Variants in MTOR observed in about 807,000 individuals in gnomAD.
MTOR encodes mechanistic target of rapamycin kinase, also known as serine/threonine-protein kinase mTOR.
Under a neutral mutation model 319.8 loss-of-function variants are expected in MTOR, and 70 were observed. The observed-to-expected ratio is 0.22, with a 90% CI of 0.18 to 0.27. The LOEUF (loss-of-function observed/expected upper bound fraction) is 0.27. Among genes scored for constraint, MTOR ranks in the 10% least tolerant of loss-of-function variants. MTOR has a pLI of 1.00. For missense variants in MTOR, 1,890 were observed against 3,274.4 expected (o/e 0.58, Z 10.32); for synonymous variants, 1,183 against 1,211.4 (o/e 0.98, Z 0.49).
intron 29 of MTOR, among the ~76,000 whole-genome samples, chr1:11,166,252 T>G (rs568685512): frequency 1.7e-3 from 263 of 152,328 alleles, no homozygotes; most frequent in African/African-American, 6.2e-3. Flanking sequence ...AAATGGGATC[T>G]AATTAAACTA....
intron 4 of MTOR, 103 bp from the exon 5 acceptor site, chr1:11,256,295 G>A: frequency 1.3e-6 from 2 of 1,481,610 alleles, no homozygotes; most frequent in Non-Finnish European, 1.8e-6. Context: ...CAGGAACAGA[G>A]AAGGCTTGCT....
At chr1:11,230,009 T>C (rs978271655) in intron 18 of MTOR, among the ~76,000 whole-genome samples, 1 of 151,606 alleles carries the variant, frequency 6.6e-6, no homozygotes, top group African/African-American at 2.4e-5. Flanking sequence ...TAAAAGGCAA[T>C]GGGCAACAGA....
intron 30 of MTOR, among the ~76,000 whole-genome samples, chr1:11,156,158 T>C (rs1331283311): frequency 1.3e-5 from 2 of 152,030 alleles, no homozygotes; most frequent in Non-Finnish European, 2.9e-5. Flanking sequence ...GTCCAACTAA[T>C]TGTTTATTTT....
At chr1:11,149,180 C>T (rs1457037620) in intron 31 of MTOR, 1 of 152,180 alleles carries the variant, frequency 6.6e-6, no homozygotes, top group Non-Finnish European at 1.5e-5. Context: ...TACAGAATAT[C>T]CAAACCTATT....
chr1:11,240,274 T>C (rs771141279), intron 11 of MTOR, 29 bp downstream of exon 11: 18 of 1,526,734 alleles, frequency 1.2e-5, no homozygotes, highest in Non-Finnish European at 1.6e-5. Flanking sequence ...TCTCTCACTA[T>C]CTTGGCAAGA....
chr1:11,241,481 C>A, intron 10 of MTOR, 72 bp downstream of exon 10: 1 of 1,521,844 alleles, frequency 6.6e-7, no homozygotes, highest in East Asian at 2.3e-5. Flanking sequence ...ATGCCTCATT[C>A]TTTTAACAGT....
intron 33 of MTOR, 99 bp from the exon 34 acceptor site, chr1:11,144,854 G>A (rs1481799647): frequency 6.6e-6 from 10 of 1,511,484 alleles, no homozygotes; most frequent in Middle Eastern, 1.7e-4. Flanking sequence ...GGTATCTGCC[G>A]ATCAGAGAAA....
In MTOR at chr1:11,137,347, T is replaced by C. The variant is rs374141368; in HGVS notation, c.5130+1957A>G. Among the ~76,000 whole-genome samples the C allele has an allele frequency of 6.8e-4, 103 of 152,128 alleles. 1 individual carries two copies. The South Asian group carries it at 0.013, about 20-fold the overall frequency. On this transcript the variant is annotated intron_variant, in intron 36 of 57. Coordinates refer to ENST00000361445, the MANE Select transcript of MTOR (RefSeq NM_004958.4). ...ATCCAGACACTGGGTTTAAACTCTTTGGTGGACTTAATAAGGAGCTGAACA... is the reference window on the plus strand; with the variant it reads ...ATCCAGACACTGGGTTTAAACTCTTCGGTGGACTTAATAAGGAGCTGAACA...
At chr1:11,234,734 A>G (rs1364124609) in intron 13 of MTOR, among the ~76,000 whole-genome samples, 1 of 152,196 alleles carries the variant, frequency 6.6e-6, no homozygotes, top group African/African-American at 2.4e-5. Flanking sequence ...ATGCCAAGAG[A>G]AGTGCTGATA....
Position 11,233,443 on chromosome 1 carries a change from T to C in MTOR, c.2376A>G (p.Pro792=), listed in dbSNP as rs778578656. 3.1e-6 allele frequency: 5 copies of C among 1,614,004 alleles called. No homozygotes were observed. Among genetic ancestry groups the C allele is most frequent in the Non-Finnish European group, 4.2e-6 (5 of 1,180,014 alleles). Residue 792 remains proline, a synonymous_variant, in exon 15 of 58, where the codon CCA becomes CCG. Transcript: ENST00000361445. ...KLKDPDPDPN[P]GVINNVLATI... ...TTGCCAGGACATTATTGATCACACC[T>C]GGGTTTGGATCAGGGTCTGGATCTT...
chr1:11,133,137 G>A lies in MTOR; in HGVS notation c.5307C>T (p.Ile1769=), dbSNP rs2100445860. ...CGCTGTAGTACTGCAGCACTTTGGGGATTGTGCTCTCATTGATGCCCTGTA... is the reference window on the plus strand; with the variant it reads ...CGCTGTAGTACTGCAGCACTTTGGGAATTGTGCTCTCATTGATGCCCTGTA... The part of the protein sequence containing the change: ...LNLQGINEST[I]PKVLQYYSAA... The change falls in exon 38 of 58, where the codon ATC becomes ATT. Residue 1769 remains isoleucine (I), a synonymous_variant. Coordinates refer to ENST00000361445, the MANE Select transcript of MTOR (RefSeq NM_004958.4). The surrounding 1 kb of genome is among the most constrained non-coding windows in gnomAD (Gnocchi z 4.0). 6.2e-7 allele frequency: 1 copy of A among 1,614,180 alleles called. No homozygotes were observed. Among genetic ancestry groups the A allele is most frequent in the Non-Finnish European group, 8.5e-7 (1 of 1,180,036 alleles).
At chr1:11,249,112 T>C (rs747513217) in intron 6 of MTOR, among the ~76,000 whole-genome samples, 2 of 151,936 alleles carry the variant, frequency 1.3e-5, no homozygotes, top group Non-Finnish European at 2.9e-5. Flanking sequence ...TACTCCCAGC[T>C]ACTCGGGAGG....
intron 28 of MTOR, among the ~76,000 whole-genome samples, chr1:11,172,993 CTT>C (rs1644870890): frequency 6.6e-6 from 1 of 151,496 alleles, no homozygotes; most frequent in Admixed American, 6.6e-5. Flanking sequence ...TATCCACTCT[CTT>C]TTCTTTTTTT....
At chr1:11,241,781 G>C in intron 9 of MTOR, 100 bp from the exon 10 acceptor site, 1 of 1,397,976 alleles carries the variant, frequency 7.2e-7, no homozygotes, top group South Asian at 1.3e-5. Flanking sequence ...TACTCAGGCA[G>C]GGCTACCACA....
intron 25 of MTOR, among the ~76,000 whole-genome samples, chr1:11,205,741 A>G (rs575734560): frequency 3.9e-5 from 6 of 152,378 alleles, no homozygotes; most frequent in Non-Finnish European, 7.3e-5. Context: ...ACCTATTTGA[A>G]CTGGCCTAGG....
intron 30 of MTOR, among the ~76,000 whole-genome samples, chr1:11,151,731 G>A (rs1644151788): frequency 6.6e-6 from 1 of 152,216 alleles, no homozygotes; most frequent in African/African-American, 2.4e-5. Flanking sequence ...CTGACTAGAG[G>A]TAGAAGAGAA....
At chr1:11,140,916 T>C (rs943871127) in intron 34 of MTOR, among the ~76,000 whole-genome samples, 1 of 151,998 alleles carries the variant, frequency 6.6e-6, no homozygotes, top group African/African-American at 2.4e-5. Context: ...TGAAGTGACA[T>C]TGTTTTTAAG....
Position 11,139,564 on chromosome 1 carries a change from T to C in MTOR, c.4967A>G (p.Tyr1656Cys). ...PHEDMRTWLK[Y>C]ASLCGKSGRL... Reference sequence around the variant, plus strand: ...GCCACTCTTGCCGCACAGGCTTGCATACTTGAGCCAGGTTCTCATGTCTTC... The same window carrying C: ...GCCACTCTTGCCGCACAGGCTTGCACACTTGAGCCAGGTTCTCATGTCTTC... Residue 1656 changes from tyrosine to cysteine, a missense_variant, in exon 35 of 58, where the codon TAT becomes TGT. This residue lies in a region of MTOR where 276 missense variants were observed against 459.4 expected (regional missense o/e 0.60). Coordinates refer to ENST00000361445, the MANE Select transcript of MTOR (RefSeq NM_004958.4). 1 of 1,614,220 alleles carries C rather than the reference T, an allele frequency of 6.2e-7. No individual in the cohort carries two copies. The highest frequency in any genetic ancestry group is 8.5e-7 in the Non-Finnish European group (1 of 1,180,038).
At chr1:11,219,098 C>T (rs568713483) in intron 19 of MTOR, among the ~76,000 whole-genome samples, 1 of 151,870 alleles carries the variant, frequency 6.6e-6, no homozygotes, top group Non-Finnish European at 1.5e-5. Flanking sequence ...GTCTGTAGTC[C>T]CAGTTACTTG....
Sources: gnomAD v4.1 joint callset for allele counts (sites outside exome capture counted in the v4.1 genomes callset) on GRCh38, gnomAD v4.1.1 for gene constraint, gnomAD v4.1.1 regional missense constraint, Gnocchi (gnomAD v3.1) non-coding constraint, MANE v1.5 for transcripts, NCBI Gene and HGNC (gene_info 2026-07-23, HGNC 2026-07-21) for gene names.